The following SYNE1 variants were observed in gnomAD, a reference collection of about 807,000 sequenced individuals.
SYNE1 encodes nesprin-1.
A neutral mutation model predicts 1,111.0 loss-of-function variants in SYNE1; 616 were observed. The observed-to-expected ratio is 0.55, with a 90% CI of 0.52 to 0.59. The LOEUF (loss-of-function observed/expected upper bound fraction) is 0.59, where lower values mean the gene tolerates loss of function less well. SYNE1 is among the 20% of genes least tolerant of loss of function. The pLI is 0.00. For synonymous variants in SYNE1, 3,855 were observed against 3,825.8 expected, an observed-to-expected ratio of 1.01 and a Z score of -0.28; for missense variants, 10,006 against 10,417.0, an observed-to-expected ratio of 0.96 and a Z score of 1.72.
At chr6:152,415,789 TAAAAAAAAAAA>T (rs1209590450) in intron 41 of SYNE1, among the ~76,000 whole-genome samples, 32 of 73,036 alleles carry the variant, frequency 4.4e-4, no homozygotes, top group East Asian at 2.0e-3. Context: ...TTCAAAGTGG[TAAAAAAAAAAA>T]AAAAAAAAAA....
At position 152,510,984 on chromosome 6, in the gene SYNE1, A is replaced by G. The variant is rs758784798; in HGVS notation, c.402+27T>C. The G allele has an allele frequency of 1.6e-5, 26 of 1,594,530 alleles. No homozygotes were observed. The South Asian group carries it at 2.0e-4, about 12-fold the overall frequency. On this transcript the variant is annotated intron_variant, in intron 7 of 145. Coordinates refer to ENST00000367255, the MANE Select transcript of SYNE1 (RefSeq NM_182961.4). ...GATCTCCCTCTGAGACATTGCATCA[A>G]CTGAAAGAGGAACTGTAGCACAATA... is the stretch of plus-strand genomic sequence containing the variant.
At position 152,352,178 on chromosome 6, in the gene SYNE1, G is replaced by A. The variant is rs375577011; in HGVS notation, c.11429C>T (p.Thr3810Met). 4.5e-5 allele frequency: 72 copies of A among 1,614,074 alleles called. No individual in the cohort carries two copies. In the African/African-American group the frequency reaches 4.8e-4, roughly 11 times the overall value. Reference sequence around the variant, plus strand: ...TGCTAAATGAAGACCTTTTTCCAGCGTCATGTGTTCTTTCCGGACAGTGCT... The same window carrying A: ...TGCTAAATGAAGACCTTTTTCCAGCATCATGTGTTCTTTCCGGACAGTGCT... ...LTSTVRKEHM[T>M]LEKGLHLAKE... The change falls in exon 70 of 146, where the codon ACG (threonine) becomes ATG (methionine). Residue 3810 changes from threonine to methionine, a missense_variant. By Grantham distance (81) the Thr-to-Met change is moderately conservative (BLOSUM62 -1). This residue lies in a region of SYNE1 where 4,955 missense variants were observed against 5,017.2 expected (regional missense o/e 0.99). Transcript: ENST00000367255.
intron 61 of SYNE1, 184 bp downstream of exon 61, chr6:152,368,788 A>G (rs1359128434): frequency 1.4e-6 from 1 of 734,772 alleles, no homozygotes; most frequent in East Asian, 2.6e-5. Flanking sequence ...CATCAAGCTT[A>G]TGCAACAACA....
chr6:152,232,680 A>T (rs781227005), intron 112 of SYNE1, among the ~76,000 whole-genome samples: 13 of 152,226 alleles, frequency 8.5e-5, no homozygotes, highest in Non-Finnish European at 1.8e-4. Context: ...AAAATACCAC[A>T]CTACAAGCTA....
intron 32 of SYNE1, among the ~76,000 whole-genome samples, chr6:152,436,452 C>T (rs1044984245): frequency 1.4e-4 from 21 of 152,064 alleles, no homozygotes; most frequent in African/African-American, 4.8e-4. Context: ...CAGGCAGGCA[C>T]TACCACATCT....
chr6:152,329,476 G>A (rs754588148), intron 78 of SYNE1, among the ~76,000 whole-genome samples: 5 of 152,174 alleles, frequency 3.3e-5, no homozygotes, highest in East Asian at 1.9e-4. Context: ...GCAGTAAGCC[G>A]AGATTGCACC....
Position 152,268,130 on chromosome 6 carries a change from G to A in SYNE1, c.18741C>T (p.Leu6247=), listed in dbSNP as rs2092878156. 1 of 1,614,028 alleles carries A rather than the reference G, an allele frequency of 6.2e-7. No homozygotes were observed. Among genetic ancestry groups the A allele is most frequent in the African/African-American group, 1.3e-5 (1 of 74,924 alleles). Residue 6247 remains leucine, a synonymous_variant, in exon 100 of 146, where the codon CTC becomes CTT. Transcript: ENST00000367255. ...CTCCACGACTGGCTACTGAGCGAAG[G>A]AGACTCTTCTGCTCGGCTAATTCCT... ...LEQELAEQKS[L]LRSVASRGEE... is the part of the protein sequence containing the mutation.
chr6:152,540,919 T>C lies in SYNE1; in HGVS notation c.68-898A>G, dbSNP rs544768148. 2.0e-4 allele frequency among the ~76,000 whole-genome samples: 31 copies of C among 152,340 alleles called. 1 individual carries two copies. The highest frequency in any genetic ancestry group is 6.5e-4 in the African/African-American group (27 of 41,576). On this transcript the variant is annotated intron_variant, in intron 3 of 145. Transcript: ENST00000367255. ...AGCCCAAAAGTGGATTCTTCCACAG[T>C]TGAGCATCCAGATAAGAATGAAATC...
chr6:152,176,810 C>T lies in SYNE1; in HGVS notation c.23461-250G>A, dbSNP rs182987677. Among the ~76,000 whole-genome samples the T allele has an allele frequency of 4.6e-3, 696 of 151,942 alleles. 2 individuals are homozygous for T. Among genetic ancestry groups the T allele is most frequent in the South Asian group, 9.8e-3 (47 of 4,806 alleles). On this transcript the variant is annotated intron_variant, in intron 129 of 145. Coordinates refer to ENST00000367255, the MANE Select transcript of SYNE1 (RefSeq NM_182961.4). ...TAAATAGGATGCTGCTTCCTATTTA[C>T]TTGAAATACATATTAAAAAACAATA...
At chr6:152,123,329 T>C (rs940125892) in intron 145 of SYNE1, among the ~76,000 whole-genome samples, 3 of 152,226 alleles carry the variant, frequency 2.0e-5, no homozygotes, top group African/African-American at 7.2e-5. Context: ...ACACTGGTGT[T>C]GTATGATGTA....
chr6:152,400,503 A>C (rs2097795995), intron 47 of SYNE1, among the ~76,000 whole-genome samples: 1 of 151,980 alleles, frequency 6.6e-6, no homozygotes, highest in African/African-American at 2.4e-5. Context: ...TCTCTACTAA[A>C]AATACAAAAC....
At chr6:152,210,152 C>T (rs1314771727) in intron 124 of SYNE1, among the ~76,000 whole-genome samples, 2 of 152,138 alleles carry the variant, frequency 1.3e-5, no homozygotes. Flanking sequence ...CAATCTGAGG[C>T]CTTCTTATTG....
At chr6:152,506,339 G>T (rs1001252863) in intron 8 of SYNE1, among the ~76,000 whole-genome samples, 1 of 151,902 alleles carries the variant, frequency 6.6e-6, no homozygotes, top group African/African-American at 2.4e-5. Flanking sequence ...CTTAACTAGG[G>T]AACATTCAAT....
At chr6:152,201,723 T>C (rs746243841) in intron 127 of SYNE1, 101 bp downstream of exon 127, 4 of 1,563,914 alleles carry the variant, frequency 2.6e-6, no homozygotes, top group Non-Finnish European at 3.5e-6. Context: ...GGATCTTGTA[T>C]CTGCATGTAG....
chr6:152,462,518 T>C (rs2098740443), intron 20 of SYNE1: 3 of 608,110 alleles, frequency 4.9e-6, no homozygotes, highest in Admixed American at 6.2e-5. Context: ...AAAAAAAATC[T>C]CCAAACTGAG....
At chr6:152,495,899 T>G (rs1024052949) in intron 11 of SYNE1, among the ~76,000 whole-genome samples, 2 of 152,232 alleles carry the variant, frequency 1.3e-5, no homozygotes, top group Non-Finnish European at 2.9e-5. Flanking sequence ...CTTGCCTTGC[T>G]GAGAATTAAA....
intron 130 of SYNE1, among the ~76,000 whole-genome samples, chr6:152,172,424 G>A (rs776533633): frequency 6.6e-5 from 10 of 152,054 alleles, no homozygotes; most frequent in South Asian, 2.1e-4. Flanking sequence ...TTGGTGATGG[G>A]GATTTAGGTT....
At chr6:152,301,263 C>T (rs537637818) in intron 92 of SYNE1, among the ~76,000 whole-genome samples, 2 of 152,276 alleles carry the variant, frequency 1.3e-5, no homozygotes, top group Admixed American at 1.3e-4. Context: ...GGAAAACACA[C>T]AGCACTGGGA....
intron 73 of SYNE1, among the ~76,000 whole-genome samples, chr6:152,346,138 A>T (rs1198825914): frequency 6.6e-6 from 1 of 152,138 alleles, no homozygotes; most frequent in Non-Finnish European, 1.5e-5. Flanking sequence ...ATTTCCTCAA[A>T]TTCCTTTTAC....
Sources: gnomAD v4.1 joint callset for allele counts (sites outside exome capture counted in the v4.1 genomes callset) on GRCh38, gnomAD v4.1.1 for gene constraint, gnomAD v4.1.1 regional missense constraint, MANE v1.5 for transcripts, NCBI Gene and HGNC (gene_info 2026-07-23, HGNC 2026-07-21) for gene names.